The following HCN3 variants were observed in gnomAD, a reference collection of about 807,000 sequenced individuals.
HCN3 encodes the protein hyperpolarization activated cyclic nucleotide gated potassium channel 3.
In HCN3, 36 loss-of-function variants were observed where a neutral mutation model predicts 56.8. That is an observed-to-expected ratio of 0.63 (90% CI 0.49 to 0.84). The LOEUF (loss-of-function observed/expected upper bound fraction) is 0.84. Among genes scored for constraint, HCN3 ranks in the 40% least tolerant of loss-of-function variants. The pLI, the probability that HCN3 is intolerant of heterozygous loss-of-function variation, is 0.00. For synonymous variants in HCN3, 425 were observed against 439.7 expected, an observed-to-expected ratio of 0.97 and a Z score of 0.42; for missense variants, 930 against 1,079.3, an observed-to-expected ratio of 0.86 and a Z score of 1.94.
intron 6 of HCN3, 121 bp downstream of exon 6, chr1:155,286,085 A>C (rs1054450113): frequency 3.0e-6 from 4 of 1,323,164 alleles, no homozygotes; most frequent in Non-Finnish European, 4.1e-6. Context: ...GCCCCTCCCC[A>C]GGCCTACTCA....
At chr1:155,280,791 G>T (rs1379962882) in intron 1 of HCN3, among the ~76,000 whole-genome samples, 7 of 77,290 alleles carry the variant, frequency 9.1e-5, no homozygotes, top group African/African-American at 3.6e-4. Context: ...TTTCACTCTT[G>T]TTGCCCAGGC....
chr1:155,283,901 G>A, intron 2 of HCN3, 73 bp from the exon 3 acceptor site: 1 of 1,520,350 alleles, frequency 6.6e-7, no homozygotes, highest in Non-Finnish European at 9.0e-7. Context: ...AAGAGAATTT[G>A]CCAGGCTGGG....
Position 155,287,941 on chromosome 1 carries a change from A to G in HCN3, c.1803A>G (p.Val601=), listed in dbSNP as rs777897179. 6.2e-6 allele frequency: 10 copies of G among 1,613,952 alleles called. No homozygotes were observed. The Admixed American group carries it at 6.7e-5, about 11-fold the overall frequency. The change falls in exon 8 of 8, where the codon GTA becomes GTG. Residue 601 remains valine, a synonymous_variant. Transcript: ENST00000368358. ...GAGCTCAGCTTAGTGGAAAGCCAGT[A>G]CTGTGGGAGCCACTGGTACATGCGC... ...STGAQLSGKP[V]LWEPLVHAPL... is the part of the protein sequence containing the mutation.
chr1:155,284,551 G>T lies in HCN3; in HGVS notation c.883G>T (p.Gly295Cys), dbSNP rs1333592164. Residue 295 changes from glycine to cysteine, a missense_variant, in exon 4 of 8, where the codon GGC (glycine) becomes TGC (cysteine). By Grantham distance (159) the Gly-to-Cys change is radical (BLOSUM62 -3). Coordinates refer to ENST00000368358, the MANE Select transcript of HCN3 (RefSeq NM_020897.3). This position sits in a 1 kb window ranked among gnomAD's most constrained non-coding sequence, Gnocchi z 4.3. The stretch of plus-strand genomic sequence containing the variant: ...CTCTGCCCCTCAGAACCACTCGTGG[G>T]GCCGCCAGTATTCCCATGCCCTGTT... Reference protein sequence around the residue: ...SINHMVNHSWGRQYSHALFKA... With the variant: ...SINHMVNHSWCRQYSHALFKA... 1.2e-5 allele frequency: 20 copies of T among 1,612,058 alleles called. No homozygotes were observed. The highest frequency in any genetic ancestry group is 1.7e-5 in the Non-Finnish European group (20 of 1,179,664).
rs554589487 is a variant in HCN3 at position 155,285,603 on chromosome 1, T to TG, written c.1237-120dup. On this transcript the variant is annotated intron_variant, in intron 5 of 7. Transcript: ENST00000368358. The surrounding 1 kb of genome is among the most constrained non-coding windows in gnomAD (Gnocchi z 4.5). Reference sequence around the variant, plus strand: ...TTAGGGATGGTCCCAGGCCCACTGATGCCTCCCCATCCTTTGGCAGAACAT... The same window carrying TG: ...TTAGGGATGGTCCCAGGCCCACTGATGGCCTCCCCATCCTTTGGCAGAACAT... 2.7e-4 allele frequency: 369 copies of TG among 1,359,572 alleles called. 6 individuals carry two copies. In the South Asian group the frequency reaches 4.7e-3, roughly 17 times the overall value. 84.2% of individuals were successfully genotyped at this position (1,359,572 alleles called of 1,614,324 possible). A position where few individuals can be genotyped will look rare whatever the true frequency, so the allele number is the denominator to read the frequency against.
intron 1 of HCN3, 147 bp downstream of exon 1, chr1:155,278,015 T>C: frequency 1.9e-6 from 2 of 1,053,084 alleles, no homozygotes; most frequent in Non-Finnish European, 2.7e-6. Flanking sequence ...CTTGCACCAG[T>C]CTAGCCTGGG....
At chr1:155,278,224 G>A (rs1268416016) in intron 1 of HCN3, among the ~76,000 whole-genome samples, 1 of 152,162 alleles carries the variant, frequency 6.6e-6, no homozygotes, top group East Asian at 1.9e-4. Flanking sequence ...GGAGATCTAG[G>A]AAATTATATT....
chr1:155,283,363 C>A (rs1017242402), intron 2 of HCN3, among the ~76,000 whole-genome samples: 1 of 151,970 alleles, frequency 6.6e-6, no homozygotes, highest in Admixed American at 6.6e-5. Flanking sequence ...AGGTGTCTAG[C>A]ACATACTAAG....
chr1:155,287,342 G>A lies in HCN3; in HGVS notation c.1642+5G>A, dbSNP rs773423110. On this transcript the variant is annotated splice_donor_5th_base_variant and intron_variant, in intron 7 of 7. Transcript: ENST00000368358. ...TGGATCGGCTGCTCCGCATCGGTGAGACCTGTCCACCCCATCTGCTCTGGG... is the reference window on the plus strand; with the variant it reads ...TGGATCGGCTGCTCCGCATCGGTGAAACCTGTCCACCCCATCTGCTCTGGG... The A allele has an allele frequency of 6.2e-7, 1 of 1,613,518 alleles. No individual in the cohort carries two copies. The highest frequency in any genetic ancestry group is 2.2e-5 in the East Asian group (1 of 44,888).
Position 155,287,188 on chromosome 1 carries a change from C to A in HCN3, c.1493C>A (p.Thr498Asn), listed in dbSNP as rs922447856. The change falls in exon 7 of 8, where the codon ACT (threonine) becomes AAT (asparagine). Residue 498 changes from threonine to asparagine, a missense_variant. Coordinates refer to ENST00000368358, the MANE Select transcript of HCN3 (RefSeq NM_020897.3). Reference protein sequence around the residue: ...GSYFGEICLLTRGRRTASVRA... With the variant: ...GSYFGEICLLNRGRRTASVRA... ...ATTTCTGCAGAGATCTGCCTGCTAACTAGGGGCCGGCGCACAGCCAGTGTT... is the reference window on the plus strand; with the variant it reads ...ATTTCTGCAGAGATCTGCCTGCTAAATAGGGGCCGGCGCACAGCCAGTGTT... 1.2e-6 allele frequency: 2 copies of A among 1,613,280 alleles called. No individual in the cohort carries two copies. Among genetic ancestry groups the A allele is most frequent in the Non-Finnish European group, 1.7e-6 (2 of 1,179,950 alleles).
At position 155,284,267 on chromosome 1, in the gene HCN3, G is replaced by A. The variant is rs752695225; in HGVS notation, c.870+132G>A. On this transcript the variant is annotated intron_variant, in intron 3 of 7. Transcript: ENST00000368358. This position sits in a 1 kb window ranked among gnomAD's most constrained non-coding sequence, Gnocchi z 4.3. Reference sequence around the variant, plus strand: ...AAAATAGGAGCGAGGAGGTGGGGAGGAGGGAGGAAAGGGGAAGGAGACCCA... The same window carrying A: ...AAAATAGGAGCGAGGAGGTGGGGAGAAGGGAGGAAAGGGGAAGGAGACCCA... The A allele has an allele frequency of 3.6e-5, 41 of 1,127,962 alleles. No individual in the cohort carries two copies. The highest frequency in any genetic ancestry group is 7.8e-5 in the African/African-American group (5 of 64,312). 69.9% of individuals were successfully genotyped at this position (1,127,962 alleles called of 1,614,324 possible).
rs763533580 is a variant in HCN3 at position 155,287,806 on chromosome 1, G to C, written c.1668G>C (p.Arg556=). 1 of 1,599,330 alleles carries C rather than the reference G, an allele frequency of 6.3e-7. No individual in the cohort carries two copies. Among genetic ancestry groups the C allele is most frequent in the South Asian group, 1.1e-5 (1 of 89,550 alleles). The part of the protein sequence containing the change: ...RIGKKNSILQ[R]KRSEPSPGSS... Reference sequence around the variant, plus strand: ...GCAAGAAGAATTCCATACTGCAGCGGAAGCGCTCCGAGCCAAGTCCAGGCA... The same window carrying C: ...GCAAGAAGAATTCCATACTGCAGCGCAAGCGCTCCGAGCCAAGTCCAGGCA... The change falls in exon 8 of 8, where the codon CGG becomes CGC. Residue 556 remains arginine, a synonymous_variant. Transcript: ENST00000368358.
chr1:155,287,872 C>G lies in HCN3; in HGVS notation c.1734C>G (p.Asp578Glu), dbSNP rs1198354258. The change falls in exon 8 of 8, where the codon GAC (aspartate) becomes GAG (glutamate). Residue 578 changes from aspartate to glutamate, a missense_variant. By Grantham distance (45) the Asp-to-Glu change is conservative (BLOSUM62 2). Coordinates refer to ENST00000368358, the MANE Select transcript of HCN3 (RefSeq NM_020897.3). ...TGGAGCAGCACTTGGTGCAACATGA[C>G]AGAGACATGGCTCGGGGTGTTCGGG... The part of the protein sequence containing the change: ...GIMEQHLVQH[D>E]RDMARGVRGR... The G allele has an allele frequency of 6.2e-7, 1 of 1,614,000 alleles. No homozygotes were observed. The highest frequency in any genetic ancestry group is 8.5e-7 in the Non-Finnish European group (1 of 1,180,022).
chr1:155,285,154 T>A lies in HCN3; in HGVS notation c.1090-11T>A. 6.2e-7 allele frequency: 1 copy of A among 1,612,684 alleles called. No individual in the cohort carries two copies. The highest frequency in any genetic ancestry group is 8.5e-7 in the Non-Finnish European group (1 of 1,178,884). On this transcript the variant is annotated splice_polypyrimidine_tract_variant and intron_variant, in intron 4 of 7. Transcript: ENST00000368358. The surrounding 1 kb of genome is among the most constrained non-coding windows in gnomAD (Gnocchi z 4.5). The stretch of plus-strand genomic sequence containing the variant: ...TGTCCTCTTGCCCCTGGCAATGGGC[T>A]GGCCCTCCAGTACAAGCAGGTGGAG...
In HCN3 at chr1:155,288,473, G is replaced by A; in HGVS notation, c.*10G>A. The stretch of plus-strand genomic sequence containing the variant: ...TTCTGCCAACATGTAAAACCTTTGA[G>A]TACATCCAGCCTTAGTTCTTGGGGT... On this transcript the variant is annotated 3_prime_UTR_variant, in exon 8 of 8. Coordinates refer to ENST00000368358, the MANE Select transcript of HCN3 (RefSeq NM_020897.3). The surrounding 1 kb of genome is among the most constrained non-coding windows in gnomAD (Gnocchi z 6.5). 2 of 1,578,542 alleles carry A rather than the reference G, an allele frequency of 1.3e-6. No homozygotes were observed. The highest frequency in any genetic ancestry group is 1.7e-4 in the Middle Eastern group (1 of 5,876).
intron 1 of HCN3, among the ~76,000 whole-genome samples, chr1:155,279,122 C>T (rs971632478): frequency 6.6e-6 from 1 of 152,144 alleles, no homozygotes; most frequent in African/African-American, 2.4e-5. Context: ...TCCCAGAGGC[C>T]CGGACTTGAG....
At chr1:155,283,344 C>T (rs952293275) in intron 2 of HCN3, among the ~76,000 whole-genome samples, 2 of 152,098 alleles carry the variant, frequency 1.3e-5, no homozygotes, top group African/African-American at 4.8e-5. Flanking sequence ...ACATGCAAAT[C>T]ACTTAGAAAG....
chr1:155,277,915 C>T, intron 1 of HCN3, 47 bp downstream of exon 1: 1 of 1,581,172 alleles, frequency 6.3e-7, no homozygotes, highest in Non-Finnish European at 8.6e-7. Context: ...ATCCCACCCT[C>T]GCGGGCAGCG....
At position 155,289,408 on chromosome 1, in the gene HCN3, G is replaced by A. The variant is rs758084305; in HGVS notation, c.*945G>A. 6.6e-6 allele frequency: 1 copy of A among 152,212 alleles called. No individual in the cohort carries two copies. The highest frequency in any genetic ancestry group is 2.4e-5 in the African/African-American group (1 of 41,454). The allele number at this position is 152,212 out of a possible 1,614,324, so 9.4% of individuals were successfully genotyped here. A position where few individuals can be genotyped will look rare whatever the true frequency, so the allele number is the denominator to read the frequency against. On this transcript the variant is annotated 3_prime_UTR_variant, in exon 8 of 8. Transcript: ENST00000368358. ...CTTTTCAGGTAAGGAGACAGGAGGA[G>A]TAGGAGGAGGCAGGGCCTCTCCATG...
Sources: allele counts gnomAD v4.1 joint callset (sites outside exome capture counted in the v4.1 genomes callset), GRCh38; gene constraint gnomAD v4.1.1; non-coding constraint Gnocchi (gnomAD v3.1); transcripts MANE v1.5; gene names NCBI Gene and HGNC (gene_info 2026-07-23, HGNC 2026-07-21).